Variants in CDH12 observed in about 807,000 individuals in gnomAD.
CDH12 encodes cadherin 12.
A neutral mutation model predicts 74.1 loss-of-function variants in CDH12; 41 were observed. That is an observed-to-expected ratio of 0.55 (90% confidence interval 0.43 to 0.72). CDH12 has a LOEUF of 0.72. Ranked by LOEUF, CDH12 falls within the 30% of genes least tolerant of loss-of-function variation. CDH12 has a pLI of 0.00. For missense variants in CDH12, 945 were observed against 977.2 expected (o/e 0.97, Z 0.44); for synonymous variants, 399 against 355.0 (o/e 1.12, Z -1.39).
chr5:22,546,592 T>C (rs1376697043), intron 1 of CDH12, among the ~76,000 whole-genome samples: 1 of 152,174 alleles, frequency 6.6e-6, no homozygotes, highest in Non-Finnish European at 1.5e-5. Context: ...TGAGTAAGTG[T>C]TATACTGAAT....
At chr5:22,163,176 C>A (rs1415480213) in intron 4 of CDH12, among the ~76,000 whole-genome samples, 1 of 152,140 alleles carries the variant, frequency 6.6e-6, no homozygotes, top group Non-Finnish European at 1.5e-5. Flanking sequence ...CCACCGCTCC[C>A]GGCCCCCTCT....
At chr5:22,777,572 A>G (rs566512917) in intron 1 of CDH12, among the ~76,000 whole-genome samples, 5 of 151,988 alleles carry the variant, frequency 3.3e-5, no homozygotes, top group Admixed American at 2.6e-4. Context: ...TGAATAAAAC[A>G]TCTTTCATTT....
At chr5:21,843,752 T>C (rs528255049) in intron 7 of CDH12, among the ~76,000 whole-genome samples, 1 of 152,232 alleles carries the variant, frequency 6.6e-6, no homozygotes, top group East Asian at 1.9e-4. Flanking sequence ...CAGCTCAGGC[T>C]CCTGAAGCTT....
At position 21,802,150 on chromosome 5, in the gene CDH12, A is replaced by G; in HGVS notation, c.1256+17T>C. ...TGTTTTCCTGAAACATAGAAAAAAA[A>G]TGTTTCTTTTTCTCACCTAACAGCA... On this transcript the variant is annotated intron_variant, in intron 10 of 14. Coordinates refer to ENST00000382254, the MANE Select transcript of CDH12 (RefSeq NM_004061.5). 3 of 1,587,934 alleles carry G rather than the reference A, an allele frequency of 1.9e-6. No homozygotes were observed. The highest frequency in any genetic ancestry group is 2.6e-6 in the Non-Finnish European group (3 of 1,164,980).
At chr5:22,530,197 ATCTTTATT>A (rs1181501866) in intron 1 of CDH12, among the ~76,000 whole-genome samples, 1 of 152,162 alleles carries the variant, frequency 6.6e-6, no homozygotes, top group Non-Finnish European at 1.5e-5. Flanking sequence ...AATTGAACTC[ATCTTTATT>A]CTAGAAAATG....
intron 3 of CDH12, among the ~76,000 whole-genome samples, chr5:22,342,874 A>T (rs904322335): frequency 2.1e-5 from 3 of 144,446 alleles, no homozygotes; most frequent in Non-Finnish European, 4.5e-5. Flanking sequence ...GTCTTGATGG[A>T]GTCTCACTCT....
At chr5:22,205,670 C>A (rs1360494739) in intron 4 of CDH12, among the ~76,000 whole-genome samples, 1 of 152,042 alleles carries the variant, frequency 6.6e-6, no homozygotes, top group East Asian at 1.9e-4. Flanking sequence ...GAAAGTTGAA[C>A]TGACAAATAA....
At chr5:22,739,702 C>T (rs191076386) in intron 1 of CDH12, among the ~76,000 whole-genome samples, 208 of 152,108 alleles carry the variant, frequency 1.4e-3, no homozygotes, top group Non-Finnish European at 2.3e-3. Flanking sequence ...TACCATTTAA[C>T]CATCACCCCT....
intron 6 of CDH12, among the ~76,000 whole-genome samples, chr5:21,875,902 T>TA (rs1751911540): frequency 6.6e-6 from 1 of 151,112 alleles, no homozygotes; most frequent in Non-Finnish European, 1.5e-5. Flanking sequence ...GGGCATTTTT[T>TA]TTTTTTTTTT....
chr5:22,636,336 C>A (rs940777521), intron 1 of CDH12, among the ~76,000 whole-genome samples: 12 of 152,064 alleles, frequency 7.9e-5, no homozygotes, highest in African/African-American at 2.9e-4. Flanking sequence ...AAGAGACATG[C>A]AAACATATGT....
chr5:22,161,148 CCT>C (rs1748321175), intron 4 of CDH12, among the ~76,000 whole-genome samples: 1 of 152,132 alleles, frequency 6.6e-6, no homozygotes, highest in African/African-American at 2.4e-5. Flanking sequence ...CTATTCTCAT[CCT>C]CTCTCTTCTC....
Position 21,975,217 on chromosome 5 carries a change from T to G in CDH12, c.400A>C (p.Ile134Leu), listed in dbSNP as rs1486652242. 7 of 1,597,328 alleles carry G rather than the reference T, an allele frequency of 4.4e-6. No homozygotes were observed. The South Asian group carries it at 6.6e-5, about 15-fold the overall frequency. The change falls in exon 6 of 15, where the codon ATA becomes CTA. Residue 134 changes from isoleucine (I) to leucine (L), a missense_variant. Around this residue, in one of 3 missense-constraint regions of CDH12, gnomAD observed 148 missense variants for 162.8 expected, o/e 0.91. Coordinates refer to ENST00000382254, the MANE Select transcript of CDH12 (RefSeq NM_004061.5). ...FYTLRAQAVD[I>L]ETRKPLEPES... ...GGCTCCAGGGGCTTTCTGGTTTCTA[T>G]GTCCACAGCCTGAGCACGAAGAGTG... is the stretch of plus-strand genomic sequence containing the variant.
intron 1 of CDH12, among the ~76,000 whole-genome samples, chr5:22,778,875 AAT>A (rs1310053235): frequency 6.6e-6 from 1 of 152,108 alleles, no homozygotes; most frequent in Non-Finnish European, 1.5e-5. Context: ...CTTAATTGAT[AAT>A]ATGTCTTTCA....
chr5:22,180,102 A>G (rs1031921977), intron 4 of CDH12, among the ~76,000 whole-genome samples: 1 of 152,220 alleles, frequency 6.6e-6, no homozygotes, highest in African/African-American at 2.4e-5. Flanking sequence ...GGACATTCTT[A>G]GAAATTTTCT....
chr5:21,899,851 T>G (rs887852583), intron 6 of CDH12, among the ~76,000 whole-genome samples: 4 of 151,980 alleles, frequency 2.6e-5, no homozygotes, highest in African/African-American at 9.7e-5. Context: ...ATTTTAATAC[T>G]TGTGATAGAA....
chr5:22,069,004 C>T (rs1458393336), intron 5 of CDH12, among the ~76,000 whole-genome samples: 2 of 152,154 alleles, frequency 1.3e-5, no homozygotes, highest in Non-Finnish European at 1.5e-5. Context: ...AGGTTGATTA[C>T]ACTTGATCAC....
intron 1 of CDH12, among the ~76,000 whole-genome samples, chr5:22,798,876 G>A (rs1158148270): frequency 6.6e-6 from 1 of 152,068 alleles, no homozygotes; most frequent in Non-Finnish European, 1.5e-5. Context: ...CACTTTGGGA[G>A]GTGGAGGTAG....
intron 1 of CDH12, among the ~76,000 whole-genome samples, chr5:22,617,579 G>C (rs1206292269): frequency 1.3e-5 from 2 of 152,060 alleles, no homozygotes; most frequent in African/African-American, 4.8e-5. Context: ...TTGTGCCTAT[G>C]TTTTAACTAT....
intron 3 of CDH12, among the ~76,000 whole-genome samples, chr5:22,315,526 G>T (rs1738595694): frequency 6.6e-6 from 1 of 152,088 alleles, no homozygotes; most frequent in Non-Finnish European, 1.5e-5. Flanking sequence ...GAAAATGTAG[G>T]AGAATGAAAA....
Sources: gnomAD v4.1 joint callset for allele counts (sites outside exome capture counted in the v4.1 genomes callset) on GRCh38, gnomAD v4.1.1 for gene constraint, gnomAD v4.1.1 regional missense constraint, MANE v1.5 for transcripts, NCBI Gene and HGNC (gene_info 2026-07-23, HGNC 2026-07-21) for gene names.